The following HSF1 variants were observed in gnomAD, a reference collection of about 807,000 sequenced individuals.
The protein encoded by HSF1 is heat shock factor protein 1.
Under a neutral mutation model 51.7 loss-of-function variants are expected in HSF1, and 32 were observed. The ratio of observed to expected loss-of-function variants is 0.62; its 90% CI spans 0.47 to 0.83. The LOEUF (loss-of-function observed/expected upper bound fraction) is 0.83. Among genes scored for constraint, HSF1 ranks in the 40% least tolerant of loss-of-function variants. The probability of loss-of-function intolerance (pLI) is 0.00; values close to 1 mark genes in which losing one functional copy is unlikely to be tolerated. For missense variants in HSF1, 727 were observed against 717.0 expected (o/e 1.01, Z -0.16); for synonymous variants, 396 against 309.7 (o/e 1.28, Z -2.92).
At position 144,314,108 on chromosome 8, in the gene HSF1, C is replaced by T. The variant is rs1554846053; in HGVS notation, c.1385-17C>T. ...TGCCCCCAACCCCCCACCGCCTTGA[C>T]ACCCCCACCCCCGCAGGGAAGCAGC... On this transcript the variant is annotated splice_polypyrimidine_tract_variant and intron_variant, in intron 12 of 12. Transcript: ENST00000528838. 8.1e-7 allele frequency: 1 copy of T among 1,235,982 alleles called. No individual in the cohort carries two copies. The highest frequency in any genetic ancestry group is 1.1e-6 in the Non-Finnish European group (1 of 916,254). 76.6% of individuals were successfully genotyped at this position (1,235,982 alleles called of 1,614,324 possible). A position where few individuals can be genotyped will look rare whatever the true frequency, so the allele number is the denominator to read the frequency against.
At chr8:144,308,841 A>G (rs1816405260) in intron 1 of HSF1, 65 bp from the exon 2 acceptor site, 3 of 1,288,228 alleles carry the variant, frequency 2.3e-6, no homozygotes, top group Admixed American at 1.7e-5. Flanking sequence ...GGCCTGGGGA[A>G]GGGGCGGCTT....
At position 144,297,035 on chromosome 8, in the gene HSF1, G is replaced by A. The variant is rs895183095; in HGVS notation, c.117+5161G>A. Among the ~76,000 whole-genome samples, 1 of 152,138 alleles carries A rather than the reference G, an allele frequency of 6.6e-6. No homozygotes were observed. Among genetic ancestry groups the A allele is most frequent in the East Asian group, 1.9e-4 (1 of 5,180 alleles). On this transcript the variant is annotated intron_variant, in intron 1 of 12. Transcript: ENST00000528838. The surrounding 1 kb of genome is among the most constrained non-coding windows in gnomAD (Gnocchi z 4.6). ...TGCCCCATGCCCACCCAACTCCACA[G>A]GCTAGTGTTTGCTCAGTCCTTTATT...
In HSF1 at chr8:144,313,339, G is replaced by A; in HGVS notation, c.1143-172G>A. The A allele has an allele frequency of 6.9e-6, 4 of 579,672 alleles. No homozygotes were observed. In the South Asian group the frequency reaches 8.1e-5, roughly 12 times the overall value. The allele number at this position is 579,672 out of a possible 1,614,324, so 35.9% of individuals were successfully genotyped here. On this transcript the variant is annotated intron_variant, in intron 9 of 12. Coordinates refer to ENST00000528838, the MANE Select transcript of HSF1 (RefSeq NM_005526.4). ...CAGCCGCACCCCTGCAGGGCACAGA[G>A]CCTCCACTGCCTTCCAGGCCGTCCT...
chr8:144,301,558 A>G (rs1359399760), intron 1 of HSF1, among the ~76,000 whole-genome samples: 1 of 152,136 alleles, frequency 6.6e-6, no homozygotes, highest in Non-Finnish European at 1.5e-5. Flanking sequence ...AGGCTGGTGA[A>G]GAGAAAATCT....
Position 144,291,752 on chromosome 8 carries a change from C to A in HSF1, c.-6C>A. On this transcript the variant is annotated 5_prime_UTR_variant, in exon 1 of 13. Coordinates refer to ENST00000528838, the MANE Select transcript of HSF1 (RefSeq NM_005526.4). This position sits in a 1 kb window ranked among gnomAD's most constrained non-coding sequence, Gnocchi z 4.1. ...GCTCCCTCCGCCTATTCCCTCCTTG[C>A]TCGAGATGGATCTGCCCGTGGGCCC... 2.7e-6 allele frequency: 4 copies of A among 1,491,246 alleles called. No individual in the cohort carries two copies. The highest frequency in any genetic ancestry group is 3.6e-6 in the Non-Finnish European group (4 of 1,115,088). 92.4% of individuals were successfully genotyped at this position (1,491,246 alleles called of 1,614,324 possible).
intron 1 of HSF1, among the ~76,000 whole-genome samples, chr8:144,296,290 G>A (rs1236390308): frequency 2.6e-5 from 4 of 152,222 alleles, no homozygotes; most frequent in Admixed American, 6.5e-5. Context: ...GTCACAGATC[G>A]TGTCCGGAGC....
intron 1 of HSF1, 23 bp from the exon 2 acceptor site, chr8:144,308,883 C>T (rs1554843731): frequency 6.2e-7 from 1 of 1,601,562 alleles, no homozygotes. Context: ...CACGCGTGAC[C>T]CACCCATGTG....
chr8:144,300,433 G>A lies in HSF1; in HGVS notation c.118-8473G>A, dbSNP rs370091045. On this transcript the variant is annotated intron_variant, in intron 1 of 12. Transcript: ENST00000528838. ...GGGGTTTCACCGTGTTAGCCAGGATGGTCTCAATCTCCTGACCTCGTGATC... is the reference window on the plus strand; with the variant it reads ...GGGGTTTCACCGTGTTAGCCAGGATAGTCTCAATCTCCTGACCTCGTGATC... Among the ~76,000 whole-genome samples, 34 of 152,022 alleles carry A rather than the reference G, an allele frequency of 2.2e-4. No homozygotes were observed. The East Asian group carries it at 5.0e-3, about 23-fold the overall frequency.
chr8:144,301,489 T>G (rs1815865808), intron 1 of HSF1, among the ~76,000 whole-genome samples: 1 of 152,158 alleles, frequency 6.6e-6, no homozygotes, highest in Non-Finnish European at 1.5e-5. Flanking sequence ...AATATCAGTC[T>G]TAAGCAGGAT....
intron 1 of HSF1, among the ~76,000 whole-genome samples, chr8:144,292,114 C>T (rs554368599): frequency 2.0e-5 from 3 of 152,364 alleles, no homozygotes; most frequent in East Asian, 3.9e-4. Context: ...GCGAAGTTTC[C>T]CTGGGATGGG....
At chr8:144,311,282 C>T (rs781832770) in intron 5 of HSF1, 33 bp downstream of exon 5, 1 of 1,612,866 alleles carries the variant, frequency 6.2e-7, no homozygotes, top group South Asian at 1.1e-5. Context: ...GGCGGGGGCC[C>T]CACAAGGGCC....
chr8:144,311,258 A>G lies in HSF1; in HGVS notation c.564+9A>G. The G allele has an allele frequency of 2.5e-6, 4 of 1,612,702 alleles. No homozygotes were observed. In the East Asian group the frequency reaches 6.7e-5, roughly 27 times the overall value. On this transcript the variant is annotated intron_variant, in intron 5 of 12. Coordinates refer to ENST00000528838, the MANE Select transcript of HSF1 (RefSeq NM_005526.4). ...AGAAAGTCGTCAACAAGGTGGGGGC[A>G]GGGCCAGAGGGCCGGCGGGGGCCCC...
At chr8:144,313,337 G>T in intron 9 of HSF1, 174 bp from the exon 10 acceptor site, 1 of 580,308 alleles carries the variant, frequency 1.7e-6, no homozygotes, top group Admixed American at 2.9e-5. Flanking sequence ...GCAGGGCACA[G>T]AGCCTCCACT....
intron 9 of HSF1, 135 bp from the exon 10 acceptor site, chr8:144,313,376 C>T (rs1210262399): frequency 3.2e-6 from 2 of 624,086 alleles, no homozygotes; most frequent in Non-Finnish European, 5.8e-6. Flanking sequence ...GAATGCGCTG[C>T]CCCCTCCAGC....
intron 1 of HSF1, among the ~76,000 whole-genome samples, chr8:144,307,208 G>C (rs927952445): frequency 6.6e-6 from 1 of 152,206 alleles, no homozygotes; most frequent in African/African-American, 2.4e-5. Flanking sequence ...ACCTGTAAAG[G>C]TTTCAACAGG....
In HSF1 at chr8:144,301,918, G is replaced by C. The variant is rs1554842406; in HGVS notation, c.118-6988G>C. On this transcript the variant is annotated intron_variant, in intron 1 of 12. Coordinates refer to ENST00000528838, the MANE Select transcript of HSF1 (RefSeq NM_005526.4). ...CGTGCACGGTGGTGGTGCCTGTGGT[G>C]CCAGCTACTCAGAGGCTCGGGTGGA... 5.8e-4 allele frequency among the ~76,000 whole-genome samples: 87 copies of C among 150,232 alleles called. 6 individuals are homozygous for C. In the South Asian group the frequency reaches 0.013, roughly 22 times the overall value.
Position 144,313,843 on chromosome 8 carries a change from C to T in HSF1, c.1249-3C>T. On this transcript the variant is annotated splice_region_variant and splice_polypyrimidine_tract_variant and intron_variant, in intron 10 of 12. Coordinates refer to ENST00000528838, the MANE Select transcript of HSF1 (RefSeq NM_005526.4). ...TGTTCTGACTTCCCTCCCTCCTCCG[C>T]AGCTGTTCAGCCCCTCGGTGACCGT... 8.1e-6 allele frequency: 13 copies of T among 1,595,694 alleles called. No individual in the cohort carries two copies. Among genetic ancestry groups the T allele is most frequent in the African/African-American group, 1.4e-5 (1 of 70,254 alleles).
chr8:144,310,087 G>A (rs1226798141), intron 4 of HSF1, 191 bp downstream of exon 4: 9 of 638,522 alleles, frequency 1.4e-5, no homozygotes, highest in East Asian at 2.8e-5. Flanking sequence ...GGGGCCAGCC[G>A]TTTTCCATGT....
intron 4 of HSF1, 43 bp from the exon 5 acceptor site, chr8:144,311,131 C>T: frequency 1.3e-6 from 2 of 1,548,844 alleles, no homozygotes; most frequent in Non-Finnish European, 1.8e-6. Flanking sequence ...AGCCCTGGGG[C>T]TCATGGGATT....
Sources: allele counts gnomAD v4.1 joint callset (sites outside exome capture counted in the v4.1 genomes callset), GRCh38; gene constraint gnomAD v4.1.1; non-coding constraint Gnocchi (gnomAD v3.1); transcripts MANE v1.5; gene names NCBI Gene and HGNC (gene_info 2026-07-23, HGNC 2026-07-21).